CHIC1: variants seen among roughly 807,000 people sequenced by gnomAD.
The protein encoded by CHIC1 is cysteine-rich hydrophobic domain-containing protein 1.
CHIC1 carries 7 observed loss-of-function variants against 18.5 expected under a neutral mutation model. That is an observed-to-expected ratio of 0.38 (90% confidence interval 0.22 to 0.71). The LOEUF (loss-of-function observed/expected upper bound fraction) is 0.71. CHIC1 is among the 30% of genes least tolerant of loss of function. The pLI, the probability that CHIC1 is intolerant of heterozygous loss-of-function variation, is 0.49. For missense variants in CHIC1, 159 were observed against 176.9 expected (o/e 0.90, Z 0.57); for synonymous variants, 77 against 73.5 (o/e 1.05, Z -0.25).
intron 3 of CHIC1, among the ~76,000 whole-genome samples, chrX:73,654,621 A>G (rs1284501112): frequency 8.9e-6 from 1 of 111,925 alleles, no homozygotes; most frequent in East Asian, 2.8e-4. Flanking sequence ...GTTCTTCTTT[A>G]AAAGTTTGGC....
intron 5 of CHIC1, 60 bp from the exon 6 acceptor site, chrX:73,680,894 AT>A (rs1195180839): frequency 6.6e-6 from 4 of 607,598 alleles, no homozygotes; most frequent in Non-Finnish European, 1.0e-5. Flanking sequence ...TTTCTGGGTT[AT>A]TTATAAGTTA....
chrX:73,660,462 T>A (rs2057974312), intron 3 of CHIC1, among the ~76,000 whole-genome samples: 1 of 111,833 alleles, frequency 8.9e-6, no homozygotes, highest in South Asian at 3.7e-4. Context: ...CAGGTACAGG[T>A]TGCAGACAAA....
intron 3 of CHIC1, among the ~76,000 whole-genome samples, chrX:73,648,448 G>A (rs1569504247): frequency 9.0e-6 from 1 of 111,704 alleles, no homozygotes; most frequent in Non-Finnish European, 1.9e-5. Flanking sequence ...TTAACCCAAT[G>A]CAAAGAAGCT....
chrX:73,607,850 G>A (rs1010846137), intron 3 of CHIC1, among the ~76,000 whole-genome samples: 1 of 107,534 alleles, frequency 9.3e-6, no homozygotes, highest in East Asian at 2.8e-4. Flanking sequence ...GAGATGAGCC[G>A]GGTACTTTAG....
At position 73,596,430 on chromosome X, in the gene CHIC1, A is replaced by G. The variant is rs192582575; in HGVS notation, c.507+11858A>G. ...ATGATCATAGATAAGAAGAATCAAT[A>G]TTGTGAAAATAGCCATACTGCCCAA... On this transcript the variant is annotated intron_variant, in intron 3 of 5. Coordinates refer to ENST00000373502, the MANE Select transcript of CHIC1 (RefSeq NM_001039840.4). 2.1e-3 allele frequency among the ~76,000 whole-genome samples: 233 copies of G among 111,914 alleles called. 1 individual carries two copies. The highest frequency in any genetic ancestry group is 7.1e-3 in the African/African-American group (218 of 30,843).
intron 3 of CHIC1, among the ~76,000 whole-genome samples, chrX:73,649,167 C>T (rs1170417708): frequency 9.0e-6 from 1 of 111,433 alleles, no homozygotes; most frequent in African/African-American, 3.3e-5. Context: ...TTTTTCACCA[C>T]TAGGCCTTCC....
chrX:73,584,420 G>T lies in CHIC1; in HGVS notation c.355G>T (p.Ala119Ser), dbSNP rs1603340563. The T allele has an allele frequency of 8.4e-7, 1 of 1,185,367 alleles. No individual in the cohort carries two copies. The highest frequency in any genetic ancestry group is 1.1e-6 in the Non-Finnish European group (1 of 881,158). Residue 119 changes from alanine to serine, a missense_variant, in exon 3 of 6, where the codon GCC becomes TCC. Transcript: ENST00000373502. Reference protein sequence around the residue: ...EFPSVLTGKVAPEEFKTSIGR... With the variant: ...EFPSVLTGKVSPEEFKTSIGR... ...TAAAGATTGTACCCTCTTGTAGGTGGCCCCAGAAGAATTTAAAACCAGCAT... is the reference window on the plus strand; with the variant it reads ...TAAAGATTGTACCCTCTTGTAGGTGTCCCCAGAAGAATTTAAAACCAGCAT...
intron 3 of CHIC1, among the ~76,000 whole-genome samples, chrX:73,663,314 C>T (rs1483134218): frequency 9.0e-6 from 1 of 111,107 alleles, no homozygotes; most frequent in Admixed American, 9.5e-5. Flanking sequence ...ATTTTTCTCC[C>T]TTTAAAAGCC....
chrX:73,620,370 GT>G (rs954282687), intron 3 of CHIC1, among the ~76,000 whole-genome samples: 4 of 111,782 alleles, frequency 3.6e-5, no homozygotes, highest in Non-Finnish European at 7.5e-5. Context: ...AGCATCTGTT[GT>G]TTCCTGACTT....
chrX:73,655,492 GTGTA>G (rs2057941018), intron 3 of CHIC1, among the ~76,000 whole-genome samples: 6 of 60,437 alleles, frequency 9.9e-5, no homozygotes, highest in Admixed American at 7.6e-4. Context: ...ACACAATATT[GTGTA>G]TATATATATA....
chrX:73,631,874 G>A (rs1239566386), intron 3 of CHIC1, among the ~76,000 whole-genome samples: 1 of 111,271 alleles, frequency 9.0e-6, no homozygotes, highest in South Asian at 3.7e-4. Context: ...TTCTAGTTCT[G>A]TACAATTGTA....
At chrX:73,675,443 A>G (rs1254623938) in intron 3 of CHIC1, among the ~76,000 whole-genome samples, 1 of 112,121 alleles carries the variant, frequency 8.9e-6, no homozygotes, top group African/African-American at 3.2e-5. Flanking sequence ...TATTTAGGAT[A>G]GTTAGCTCTT....
At chrX:73,675,242 T>C (rs2058055564) in intron 3 of CHIC1, among the ~76,000 whole-genome samples, 1 of 111,748 alleles carries the variant, frequency 8.9e-6, no homozygotes, top group African/African-American at 3.3e-5. Flanking sequence ...AGATATCTAT[T>C]AGGTCCACTT....
intron 3 of CHIC1, among the ~76,000 whole-genome samples, chrX:73,616,653 C>T (rs1180776508): frequency 3.6e-5 from 4 of 111,197 alleles, no homozygotes; most frequent in Non-Finnish European, 7.6e-5. Context: ...CTCTTGTGCA[C>T]GCACAGGATC....
intron 3 of CHIC1, among the ~76,000 whole-genome samples, chrX:73,624,976 A>G (rs1185906677): frequency 8.9e-6 from 1 of 112,402 alleles, no homozygotes; most frequent in Non-Finnish European, 1.9e-5. Flanking sequence ...GAAAGAGGAC[A>G]GAAGTCTGAT....
chrX:73,599,525 G>A (rs1271208789), intron 3 of CHIC1, among the ~76,000 whole-genome samples: 1 of 103,637 alleles, frequency 9.6e-6, no homozygotes, highest in Non-Finnish European at 1.9e-5. Flanking sequence ...TGTAAGGAAG[G>A]GATCCAGTTT....
chrX:73,599,316 T>G (rs909957741), intron 3 of CHIC1, among the ~76,000 whole-genome samples: 6 of 102,358 alleles, frequency 5.9e-5, no homozygotes, highest in Admixed American at 1.0e-4. Flanking sequence ...TCTTTTGCTG[T>G]GCAGAAGCTC....
intron 3 of CHIC1, among the ~76,000 whole-genome samples, chrX:73,599,200 C>T (rs796420662): frequency 5.5e-5 from 6 of 110,020 alleles, no homozygotes; most frequent in African/African-American, 1.0e-4. Flanking sequence ...TCTTGTAAAT[C>T]TGTTTGAGTT....
chrX:73,640,722 T>A (rs548953524), intron 3 of CHIC1, among the ~76,000 whole-genome samples: 1 of 111,854 alleles, frequency 8.9e-6, no homozygotes, highest in African/African-American at 3.2e-5. Context: ...TTTCTAATTG[T>A]ATTTATTTGG....
Sources: allele counts gnomAD v4.1 joint callset (sites outside exome capture counted in the v4.1 genomes callset), GRCh38; gene constraint gnomAD v4.1.1; transcripts MANE v1.5; gene names NCBI Gene and HGNC (gene_info 2026-07-23, HGNC 2026-07-21).